DIP2A: variants seen among roughly 807,000 people sequenced by gnomAD.
The protein encoded by DIP2A is disco-interacting protein 2 homolog A.
DIP2A carries 85 observed loss-of-function variants against 177.4 expected under a neutral mutation model. The ratio of observed to expected loss-of-function variants is 0.48; its 90% CI spans 0.40 to 0.57. DIP2A has a LOEUF of 0.57. DIP2A is among the 20% of genes least tolerant of loss of function. The pLI is 0.00. For missense variants in DIP2A, 1,791 were observed against 2,100.2 expected, an observed-to-expected ratio of 0.85 and a Z score of 2.88; for synonymous variants, 886 against 881.8, an observed-to-expected ratio of 1.00 and a Z score of -0.08.
chr21:46,533,486 G>C (rs764739658), intron 10 of DIP2A, 38 bp from the exon 11 acceptor site: 1 of 1,601,422 alleles, frequency 6.2e-7, no homozygotes, highest in Non-Finnish European at 8.5e-7. Flanking sequence ...TGGCTGCTGT[G>C]AGCACCCCAC....
chr21:46,576,789 G>A, the DIP2A span, among the ~76,000 whole-genome samples: 1 of 152,082 alleles, frequency 6.6e-6, no homozygotes, highest in East Asian at 1.9e-4. Context: ...AGCATCTGTT[G>A]TTTTTTGACG....
chr21:46,485,894 A>C (rs995017835), intron 2 of DIP2A, among the ~76,000 whole-genome samples: 1 of 151,758 alleles, frequency 6.6e-6, no homozygotes, highest in Non-Finnish European at 1.5e-5. Context: ...AACATAGGGA[A>C]GCCTTGTCTC....
chr21:46,513,680 G>A (rs940715607), intron 8 of DIP2A, among the ~76,000 whole-genome samples: 1 of 152,034 alleles, frequency 6.6e-6, no homozygotes, highest in African/African-American at 2.4e-5. Flanking sequence ...TATAGGTTGA[G>A]AGCATCCCAA....
In DIP2A at chr21:46,545,118, G is replaced by GT. The variant is rs758206675; in HGVS notation, c.2177-11dup. The GT allele has an allele frequency of 3.9e-5, 61 of 1,569,330 alleles. No homozygotes were observed. The highest frequency in any genetic ancestry group is 4.6e-5 in the South Asian group (4 of 86,506). ...TTAAACACGTTCTTGATAATTTTGA[G>GT]TTTTTTTTCTCATTTTAGCTAATGT... is the stretch of plus-strand genomic sequence containing the variant. On this transcript the variant is annotated intron_variant, in intron 18 of 37. Transcript: ENST00000417564.
chr21:46,504,343 T>C lies in DIP2A; in HGVS notation c.656-18T>C. The C allele has an allele frequency of 6.2e-7, 1 of 1,613,184 alleles. No individual in the cohort carries two copies. The highest frequency in any genetic ancestry group is 8.5e-7 in the Non-Finnish European group (1 of 1,179,528). On this transcript the variant is annotated intron_variant, in intron 5 of 37. Transcript: ENST00000417564. ...ACTTAACAGCCACTTTCATTTTGGGTGTGTTTTTCAAAAGCAGATCTGCAT... is the reference window on the plus strand; with the variant it reads ...ACTTAACAGCCACTTTCATTTTGGGCGTGTTTTTCAAAAGCAGATCTGCAT...
rs746063845 is a variant in DIP2A, at chr21:46,545,965, A to G, written c.2394+4A>G. 1 of 1,613,900 alleles carries G rather than the reference A, an allele frequency of 6.2e-7. No individual in the cohort carries two copies. The highest frequency in any genetic ancestry group is 8.5e-7 in the Non-Finnish European group (1 of 1,179,860). ...CCTGCTGGGCTTCATCGGGCCTGTGAGTATGTCCTCCTGTACCAGCACTGG... is the reference window on the plus strand; with the variant it reads ...CCTGCTGGGCTTCATCGGGCCTGTGGGTATGTCCTCCTGTACCAGCACTGG... On this transcript the variant is annotated splice_donor_region_variant and intron_variant, in intron 20 of 37. Transcript: ENST00000417564.
intron 13 of DIP2A, 88 bp downstream of exon 13, chr21:46,534,775 T>C: frequency 8.6e-7 from 1 of 1,165,876 alleles, no homozygotes; most frequent in Non-Finnish European, 1.2e-6. Context: ...ACTGCACCTG[T>C]CAAAACCACC....
chr21:46,470,702 T>C (rs927393277), intron 1 of DIP2A, among the ~76,000 whole-genome samples: 20 of 148,236 alleles, frequency 1.3e-4, no homozygotes, highest in Non-Finnish European at 7.4e-5. Context: ...ACCTGGGAAA[T>C]GGAGTGAGCA....
Position 46,556,216 on chromosome 21 carries a change from C to A in DIP2A, c.3498+125C>A. ...TGCAAAGCACAAAGCAACAATTTTGCTTCTTAAGATTTGTGTTAAATACCA... is the reference window on the plus strand; with the variant it reads ...TGCAAAGCACAAAGCAACAATTTTGATTCTTAAGATTTGTGTTAAATACCA... On this transcript the variant is annotated intron_variant, in intron 29 of 37. Coordinates refer to ENST00000417564, the MANE Select transcript of DIP2A (RefSeq NM_015151.4). The surrounding 1 kb of genome is among the most constrained non-coding windows in gnomAD (Gnocchi z 4.5). 2.1e-6 allele frequency: 3 copies of A among 1,414,024 alleles called. No homozygotes were observed. The highest frequency in any genetic ancestry group is 3.0e-6 in the Non-Finnish European group (3 of 1,015,076). The allele number at this position is 1,414,024 out of a possible 1,614,324, so 87.6% of individuals were successfully genotyped here.
chr21:46,554,570 C>T lies in DIP2A; in HGVS notation c.3155-5C>T, dbSNP rs772938771. On this transcript the variant is annotated splice_polypyrimidine_tract_variant and splice_region_variant and intron_variant, in intron 26 of 37. Coordinates refer to ENST00000417564, the MANE Select transcript of DIP2A (RefSeq NM_015151.4). ...CCTCCTCACAGCCAGTCCTTGTCTC[C>T]ACAGGGGTGGACCTCATTGCCGCGT... The T allele has an allele frequency of 3.7e-6, 6 of 1,611,560 alleles. No homozygotes were observed. The South Asian group carries it at 5.5e-5, about 15-fold the overall frequency.
intron 1 of DIP2A, among the ~76,000 whole-genome samples, 181 bp downstream of exon 1, chr21:46,459,403 C>T (rs956705423): frequency 6.7e-6 from 1 of 149,734 alleles, no homozygotes; most frequent in Non-Finnish European, 1.5e-5. Flanking sequence ...GGTTCCTCTA[C>T]CCTGGAACCC....
Position 46,563,768 on chromosome 21 carries a change from C to A in DIP2A, c.4090-90C>A. On this transcript the variant is annotated intron_variant, in intron 34 of 37. Coordinates refer to ENST00000417564, the MANE Select transcript of DIP2A (RefSeq NM_015151.4). This position sits in a 1 kb window ranked among gnomAD's most constrained non-coding sequence, Gnocchi z 4.3. The stretch of plus-strand genomic sequence containing the variant: ...TGAGCACATCAGTCCTGCAGGCCAG[C>A]TTCTGAGGGACGTTATTTTAATGTC... 6.5e-7 allele frequency: 1 copy of A among 1,538,996 alleles called. No homozygotes were observed. The highest frequency in any genetic ancestry group is 8.8e-7 in the Non-Finnish European group (1 of 1,140,010).
chr21:46,478,039 G>A (rs932684467), intron 1 of DIP2A, among the ~76,000 whole-genome samples: 3 of 152,118 alleles, frequency 2.0e-5, no homozygotes, highest in African/African-American at 7.2e-5. Flanking sequence ...GATTTCTGCT[G>A]TGTTGTTCTA....
chr21:46,543,560 C>T (rs1325818663), intron 18 of DIP2A, among the ~76,000 whole-genome samples: 1 of 152,214 alleles, frequency 6.6e-6, no homozygotes, highest in Non-Finnish European at 1.5e-5. Context: ...GGCACTCCCC[C>T]AGGTGGACCC....
intron 21 of DIP2A, among the ~76,000 whole-genome samples, 197 bp from the exon 22 acceptor site, chr21:46,549,574 G>A (rs2060191004): frequency 6.6e-6 from 1 of 152,140 alleles, no homozygotes; most frequent in Non-Finnish European, 1.5e-5. Context: ...TGTTTTTTGT[G>A]ACTTGAGACA....
At chr21:46,543,155 G>A (rs1338074096) in intron 18 of DIP2A, among the ~76,000 whole-genome samples, 1 of 151,392 alleles carries the variant, frequency 6.6e-6, no homozygotes, top group Non-Finnish European at 1.5e-5. Context: ...TGAACCTGTC[G>A]TAAAATAATT....
downstream of DIP2A, among the ~76,000 whole-genome samples, chr21:46,573,064 A>G (rs2060978128): frequency 6.6e-6 from 1 of 152,164 alleles, no homozygotes; most frequent in Non-Finnish European, 1.5e-5. Context: ...CATTTCTCAG[A>G]ACATATTTCT....
At chr21:46,487,255 CAAG>C (rs887875882) in intron 2 of DIP2A, among the ~76,000 whole-genome samples, 1 of 152,166 alleles carries the variant, frequency 6.6e-6, no homozygotes, top group Non-Finnish European at 1.5e-5. Flanking sequence ...TCAACAACAA[CAAG>C]AAGATTGACG....
At position 46,569,641 on chromosome 21, in the gene DIP2A, C is replaced by G. The variant is rs976199957; in HGVS notation, c.*2019C>G. 6.6e-6 allele frequency: 1 copy of G among 152,124 alleles called. No homozygotes were observed. The highest frequency in any genetic ancestry group is 1.5e-5 in the Non-Finnish European group (1 of 68,014). 9.4% of individuals were successfully genotyped at this position (152,124 alleles called of 1,614,324 possible). A position where few individuals can be genotyped will look rare whatever the true frequency, so the allele number is the denominator to read the frequency against. Reference sequence around the variant, plus strand: ...TGCATTAAAATGTTTTAGAATTACTCTGGGAATTCTGTATATCACACTAAA... The same window carrying G: ...TGCATTAAAATGTTTTAGAATTACTGTGGGAATTCTGTATATCACACTAAA... On this transcript the variant is annotated 3_prime_UTR_variant, in exon 38 of 38. Coordinates refer to ENST00000417564, the MANE Select transcript of DIP2A (RefSeq NM_015151.4).
Sources: allele counts gnomAD v4.1 joint callset (sites outside exome capture counted in the v4.1 genomes callset), GRCh38; gene constraint gnomAD v4.1.1; non-coding constraint Gnocchi (gnomAD v3.1); transcripts MANE v1.5; gene names NCBI Gene and HGNC (gene_info 2026-07-23, HGNC 2026-07-21).